The following LAP3 variants were observed in gnomAD, a reference collection of about 807,000 sequenced individuals.
LAP3 encodes the protein leucine aminopeptidase 3, also known as cytosol aminopeptidase.
Under a neutral mutation model 58.8 loss-of-function variants are expected in LAP3, and 46 were observed. The ratio of observed to expected loss-of-function variants is 0.78; its 90% CI spans 0.62 to 1.00. The LOEUF (loss-of-function observed/expected upper bound fraction) is 1.00, where lower values mean the gene tolerates loss of function less well. Among genes scored for constraint, LAP3 ranks in the 50% least tolerant of loss-of-function variants. The pLI is 0.00. For missense variants in LAP3, 615 were observed against 659.1 expected, an observed-to-expected ratio of 0.93 and a Z score of 0.73; for synonymous variants, 257 against 237.7, an observed-to-expected ratio of 1.08 and a Z score of -0.75.
chr4:17,577,271 G>A lies in LAP3; in HGVS notation c.-195G>A, dbSNP rs1713217896. The A allele has an allele frequency of 6.9e-5, 6 of 87,562 alleles. No individual in the cohort carries two copies. Among genetic ancestry groups the A allele is most frequent in the Non-Finnish European group, 1.2e-4 (6 of 49,094 alleles). 5.4% of individuals were successfully genotyped at this position (87,562 alleles called of 1,614,324 possible). A position where few individuals can be genotyped will look rare whatever the true frequency, so the allele number is the denominator to read the frequency against. ...GCACCCTTGAGTCCCCTCCACAACC[G>A]CGGTTTGATCCCAGCGGTCCAGTCG... On this transcript the variant is annotated 5_prime_UTR_variant, in exon 1 of 13. Coordinates refer to ENST00000226299, the MANE Select transcript of LAP3 (RefSeq NM_015907.3).
Position 17,577,461 on chromosome 4 carries a change from A to C in LAP3, c.-5A>C. The C allele has an allele frequency of 6.4e-7, 1 of 1,566,722 alleles. No individual in the cohort carries two copies. The highest frequency in any genetic ancestry group is 1.2e-5 in the South Asian group (1 of 85,370). On this transcript the variant is annotated 5_prime_UTR_variant, in exon 1 of 13. Coordinates refer to ENST00000226299, the MANE Select transcript of LAP3 (RefSeq NM_015907.3). ...GAGGGCGGTGCGAGGGGCCGAGCCG[A>C]CAAGATGTTCTTGCTGCCTCTTCCG...
intron 8 of LAP3, among the ~76,000 whole-genome samples, chr4:17,595,904 A>G (rs1371937028): frequency 3.9e-5 from 6 of 152,132 alleles, no homozygotes; most frequent in Non-Finnish European, 7.4e-5. Flanking sequence ...GTGAAATGGC[A>G]CAACACACAG....
intron 11 of LAP3, 52 bp downstream of exon 11, chr4:17,604,719 C>A: frequency 1.5e-6 from 2 of 1,356,526 alleles, no homozygotes; most frequent in Non-Finnish European, 2.1e-6. Context: ...ATAAATTATT[C>A]TAGCCTTAGA....
Position 17,583,608 on chromosome 4 carries a change from A to C in LAP3, c.505A>C (p.Lys169Gln), listed in dbSNP as rs1195599983. The part of the protein sequence containing the change: ...LYEYDDLKQK[K>Q]KMAVSAKLYG... ...TGAATACGATGACCTAAAGCAAAAA[A>C]AGAAGATGGCTGTGTCGGCAAAGCT... Residue 169 changes from lysine (K) to glutamine (Q), a missense_variant, in exon 5 of 13, where the codon AAG becomes CAG. Lys to Gln is a moderately conservative substitution (Grantham distance 53). Transcript: ENST00000226299. 2 of 1,614,152 alleles carry C rather than the reference A, an allele frequency of 1.2e-6. No homozygotes were observed. Among genetic ancestry groups the C allele is most frequent in the East Asian group, 4.5e-5 (2 of 44,874 alleles).
intron 1 of LAP3, among the ~76,000 whole-genome samples, chr4:17,577,811 G>A (rs535263054): frequency 6.1e-4 from 93 of 152,358 alleles, no homozygotes; most frequent in African/African-American, 2.1e-3. Context: ...CCCTTTACCC[G>A]GCTCCACTCG....
chr4:17,577,455 G>T lies in LAP3; in HGVS notation c.-11G>T. The stretch of plus-strand genomic sequence containing the variant: ...TCGCTGGAGGGCGGTGCGAGGGGCC[G>T]AGCCGACAAGATGTTCTTGCTGCCT... On this transcript the variant is annotated 5_prime_UTR_variant, in exon 1 of 13. An upstream open reading frame in the 5' UTR gains an earlier in-frame stop. Coordinates refer to ENST00000226299, the MANE Select transcript of LAP3 (RefSeq NM_015907.3). 6.4e-7 allele frequency: 1 copy of T among 1,550,564 alleles called. No homozygotes were observed. Among genetic ancestry groups the T allele is most frequent in the Non-Finnish European group, 8.7e-7 (1 of 1,148,896 alleles).
intron 10 of LAP3, among the ~76,000 whole-genome samples, chr4:17,598,935 G>A (rs911517850): frequency 6.6e-6 from 1 of 151,846 alleles, no homozygotes; most frequent in Non-Finnish European, 1.5e-5. Flanking sequence ...CGGGGTTTTT[G>A]CCATGTTAGC....
chr4:17,597,185 C>T, intron 9 of LAP3, 51 bp downstream of exon 9: 1 of 1,465,748 alleles, frequency 6.8e-7, no homozygotes, highest in Non-Finnish European at 9.6e-7. Flanking sequence ...CTCAGGAATC[C>T]CGTGGTGGCC....
In LAP3 at chr4:17,604,508, C is replaced by G; in HGVS notation, c.1181-80C>G. 3.6e-5 allele frequency: 34 copies of G among 946,316 alleles called. No individual in the cohort carries two copies. The South Asian group carries it at 4.4e-4, about 12-fold the overall frequency. 58.6% of individuals were successfully genotyped at this position (946,316 alleles called of 1,614,324 possible). On this transcript the variant is annotated intron_variant, in intron 10 of 12. Coordinates refer to ENST00000226299, the MANE Select transcript of LAP3 (RefSeq NM_015907.3). The stretch of plus-strand genomic sequence containing the variant: ...AGGAAGCCATTAAATAGGGTACATG[C>G]TAAGGTTTCCATCTGGGTGGCGGAG...
rs73800303 is a variant in LAP3, at chr4:17,590,174, T to C, written c.863+1197T>C. 2.9e-3 allele frequency among the ~76,000 whole-genome samples: 439 copies of C among 152,264 alleles called. 3 individuals carry two copies. The highest frequency in any genetic ancestry group is 0.01 in the African/African-American group (422 of 41,554). On this transcript the variant is annotated intron_variant, in intron 7 of 12. Coordinates refer to ENST00000226299, the MANE Select transcript of LAP3 (RefSeq NM_015907.3). ...TGCTTAACTACAGGACTTCTCAGGG[T>C]ACAGAATATAGCATTTTCTGTATTT...
intron 5 of LAP3, 107 bp from the exon 6 acceptor site, chr4:17,584,865 G>C (rs1312061908): frequency 9.2e-7 from 1 of 1,092,504 alleles, no homozygotes; most frequent in East Asian, 2.6e-5. Flanking sequence ...TTTTTGATTT[G>C]TAGTCTTCCT....
chr4:17,597,324 G>A (rs1337631906), intron 9 of LAP3, among the ~76,000 whole-genome samples, 190 bp downstream of exon 9: 1 of 152,198 alleles, frequency 6.6e-6, no homozygotes, highest in African/African-American at 2.4e-5. Flanking sequence ...CACCCAGGCT[G>A]TAGTGCAGTG....
At chr4:17,606,771 CA>C in intron 11 of LAP3, 57 bp from the exon 12 acceptor site, 7 of 1,115,282 alleles carry the variant, frequency 6.3e-6, no homozygotes, top group African/African-American at 1.5e-5. Flanking sequence ...ATGTTAATGC[CA>C]TGAATTTCCC....
At chr4:17,603,224 C>T (rs1051277635) in intron 10 of LAP3, among the ~76,000 whole-genome samples, 3 of 151,774 alleles carry the variant, frequency 2.0e-5, no homozygotes, top group Non-Finnish European at 4.4e-5. Context: ...GAGAGAATGG[C>T]ATGAACCCGG....
chr4:17,598,805 T>C (rs1363890004), intron 10 of LAP3, among the ~76,000 whole-genome samples: 1 of 152,076 alleles, frequency 6.6e-6, no homozygotes, highest in Non-Finnish European at 1.5e-5. Flanking sequence ...CAGGCTGGAG[T>C]GCAGTGGCGT....
rs746781348 is a variant in LAP3 at position 17,592,178 on chromosome 4, C to G, written c.863+3201C>G. Reference sequence around the variant, plus strand: ...GTATACACCTATGCACCGTTCACCACTGTCAGGAAAATACAACATTTTTAT... The same window carrying G: ...GTATACACCTATGCACCGTTCACCAGTGTCAGGAAAATACAACATTTTTAT... On this transcript the variant is annotated intron_variant, in intron 7 of 12. Coordinates refer to ENST00000226299, the MANE Select transcript of LAP3 (RefSeq NM_015907.3). Among the ~76,000 whole-genome samples the G allele has an allele frequency of 7.9e-5, 12 of 152,218 alleles. 1 individual carries two copies. The highest frequency in any genetic ancestry group is 1.2e-4 in the Non-Finnish European group (8 of 68,030).
Position 17,604,758 on chromosome 4 carries a change from A to G in LAP3, c.1260+91A>G, listed in dbSNP as rs1177976983. The G allele has an allele frequency of 5.0e-6, 5 of 993,080 alleles. No homozygotes were observed. The East Asian group carries it at 1.3e-4, about 25-fold the overall frequency. 61.5% of individuals were successfully genotyped at this position (993,080 alleles called of 1,614,324 possible). A position where few individuals can be genotyped will look rare whatever the true frequency, so the allele number is the denominator to read the frequency against. On this transcript the variant is annotated intron_variant, in intron 11 of 12. Transcript: ENST00000226299. ...ATAGACTTCTTCAACCCTGTGTTAA[A>G]GTGATTTTTATGCCGCAGGTTTGCC...
intron 10 of LAP3, among the ~76,000 whole-genome samples, chr4:17,604,201 G>A (rs1158235380): frequency 6.9e-6 from 1 of 144,672 alleles, no homozygotes; most frequent in Non-Finnish European, 1.5e-5. Context: ...GAGCCCAGGA[G>A]TTTGAGGCTG....
chr4:17,603,826 CTTTCTTTCTTTTTTTTTT>C (rs1560152663), intron 10 of LAP3, among the ~76,000 whole-genome samples: 1 of 138,294 alleles, frequency 7.2e-6, no homozygotes, highest in East Asian at 2.1e-4. Flanking sequence ...TTTTTTTTTT[CTTTCTTTCTTTTTTTTTT>C]GAGACAGAAT....
Sources: allele counts gnomAD v4.1 joint callset (sites outside exome capture counted in the v4.1 genomes callset), GRCh38; gene constraint gnomAD v4.1.1; transcripts MANE v1.5; gene names NCBI Gene and HGNC (gene_info 2026-07-23, HGNC 2026-07-21).